The following HMGN5 variants were observed in gnomAD, a reference collection of about 807,000 sequenced individuals.
The protein encoded by HMGN5 is high mobility group nucleosome binding domain 5.
A neutral mutation model predicts 9.5 loss-of-function variants in HMGN5; 4 were observed. That is an observed-to-expected ratio of 0.42 (90% confidence interval 0.21 to 0.96). The LOEUF (loss-of-function observed/expected upper bound fraction) is 0.96, where lower values mean the gene tolerates loss of function less well. Ranked by LOEUF, HMGN5 falls within the 40% of genes least tolerant of loss-of-function variation. The pLI is 0.30. For synonymous variants in HMGN5, 55 were observed against 57.1 expected (o/e 0.96, Z 0.16); for missense variants, 192 against 187.5 (o/e 1.02, Z -0.14).
intron 1 of HMGN5, among the ~76,000 whole-genome samples, chrX:81,159,565 A>T (rs977221440): frequency 1.8e-5 from 2 of 111,657 alleles, no homozygotes; most frequent in Non-Finnish European, 3.8e-5. Flanking sequence ...ATCTTGGGTG[A>T]TAAGATGAAT....
intron 1 of HMGN5, among the ~76,000 whole-genome samples, chrX:81,159,424 G>A (rs372360589): frequency 1.8e-5 from 2 of 111,286 alleles, no homozygotes; most frequent in African/African-American, 6.5e-5. Context: ...AGAAAAGTCT[G>A]CACAAATGCT....
chrX:81,142,824 C>T (rs189598991), intron 1 of HMGN5, among the ~76,000 whole-genome samples: 1 of 111,409 alleles, frequency 9.0e-6, no homozygotes, highest in Non-Finnish European at 1.9e-5. Flanking sequence ...GAAACACACA[C>T]AATATTATAA....
chrX:81,149,313 T>A (rs2075354338), intron 1 of HMGN5, among the ~76,000 whole-genome samples: 1 of 111,160 alleles, frequency 9.0e-6, no homozygotes, highest in South Asian at 3.8e-4. Flanking sequence ...AAAGGATGAG[T>A]TCATGTCCTT....
chrX:81,162,774 C>G lies in HMGN5; in HGVS notation c.-124+38963G>C, dbSNP rs1030797270. 4.5e-5 allele frequency among the ~76,000 whole-genome samples: 5 copies of G among 111,212 alleles called. 1 individual carries two copies. The highest frequency in any genetic ancestry group is 3.8e-4 in the Admixed American group (4 of 10,433). On this transcript the variant is annotated intron_variant, in intron 1 of 6. Transcript: ENST00000358130. Reference sequence around the variant, plus strand: ...CTGGACCTAATATAGAAAATGAGACCTTGTAGTTGAGCTGCTGTCATTATG... The same window carrying G: ...CTGGACCTAATATAGAAAATGAGACGTTGTAGTTGAGCTGCTGTCATTATG...
intron 1 of HMGN5, among the ~76,000 whole-genome samples, chrX:81,161,802 A>T (rs1315710997): frequency 9.0e-6 from 1 of 111,256 alleles, no homozygotes; most frequent in East Asian, 2.8e-4. Flanking sequence ...AAACTTGATG[A>T]ACTAGCTATA....
At chrX:81,168,641 C>T (rs1053932310) in intron 1 of HMGN5, among the ~76,000 whole-genome samples, 3 of 111,730 alleles carry the variant, frequency 2.7e-5, no homozygotes, top group African/African-American at 6.5e-5. Flanking sequence ...GTAGACTTTG[C>T]GTCTCCCCTT....
At chrX:81,183,471 GC>G (rs1010980759) in intron 1 of HMGN5, among the ~76,000 whole-genome samples, 4 of 112,415 alleles carry the variant, frequency 3.6e-5, no homozygotes, top group Admixed American at 2.8e-4. Flanking sequence ...CTTAAAAGGG[GC>G]CCAGATGCAG....
chrX:81,159,117 G>A (rs2075391856), intron 1 of HMGN5, among the ~76,000 whole-genome samples: 1 of 111,608 alleles, frequency 9.0e-6, no homozygotes. Flanking sequence ...ATTATCCTCA[G>A]CAAACTAACG....
intron 1 of HMGN5, among the ~76,000 whole-genome samples, chrX:81,155,917 T>C (rs1339705650): frequency 9.0e-6 from 1 of 111,512 alleles, no homozygotes; most frequent in Non-Finnish European, 1.9e-5. Flanking sequence ...AATGAGTGCA[T>C]AAAAATATGT....
At chrX:81,121,357 C>T (rs1034069918) in intron 2 of HMGN5, among the ~76,000 whole-genome samples, 178 bp downstream of exon 2, 2 of 111,624 alleles carry the variant, frequency 1.8e-5, no homozygotes, top group Non-Finnish European at 3.8e-5. Flanking sequence ...GCATGCAAGA[C>T]CATCCTAAAC....
At chrX:81,183,110 G>T (rs2075467439) in intron 1 of HMGN5, among the ~76,000 whole-genome samples, 2 of 111,816 alleles carry the variant, frequency 1.8e-5, no homozygotes, top group African/African-American at 6.5e-5. Flanking sequence ...AAGCAGCAAA[G>T]AAATGAACTG....
In HMGN5 at chrX:81,122,105, T is replaced by C. The variant is rs189464847; in HGVS notation, c.-123-433A>G. On this transcript the variant is annotated intron_variant, in intron 1 of 6. Transcript: ENST00000358130. ...GGCTCCGGTCTTTCCCTGCCACCTT[T>C]GGCGGGATGGTGTTGAACCGACAAG... 1.6e-3 allele frequency among the ~76,000 whole-genome samples: 179 copies of C among 112,334 alleles called. 2 individuals carry two copies. Among genetic ancestry groups the C allele is most frequent in the Non-Finnish European group, 2.6e-3 (141 of 53,250 alleles).
At chrX:81,154,453 G>A (rs1366402295) in intron 1 of HMGN5, among the ~76,000 whole-genome samples, 2 of 111,178 alleles carry the variant, frequency 1.8e-5, no homozygotes, top group Non-Finnish European at 3.8e-5. Flanking sequence ...AACAGACCAG[G>A]CAAAAATTTC....
intron 1 of HMGN5, among the ~76,000 whole-genome samples, chrX:81,167,242 G>A (rs931461037): frequency 1.6e-4 from 18 of 111,104 alleles, no homozygotes; most frequent in African/African-American, 5.9e-4. Flanking sequence ...GACAGTATCT[G>A]TAGTAGCTAT....
chrX:81,175,600 A>C (rs779562934), intron 1 of HMGN5, among the ~76,000 whole-genome samples: 9 of 111,020 alleles, frequency 8.1e-5, no homozygotes, highest in Non-Finnish European at 1.3e-4. Flanking sequence ...CCCTTAAATA[A>C]ATTTTGAAAA....
chrX:81,173,743 T>G (rs1363518321), intron 1 of HMGN5, among the ~76,000 whole-genome samples: 2 of 111,881 alleles, frequency 1.8e-5, no homozygotes, highest in Admixed American at 9.5e-5. Flanking sequence ...TGTAGAAATC[T>G]TGTTTTAAGG....
intron 1 of HMGN5, among the ~76,000 whole-genome samples, chrX:81,152,244 A>C (rs1293077286): frequency 3.6e-5 from 4 of 111,954 alleles, no homozygotes; most frequent in African/African-American, 1.3e-4. Flanking sequence ...CAACCGACTC[A>C]TCTGACAAAG....
chrX:81,156,847 T>C (rs868435895), intron 1 of HMGN5, among the ~76,000 whole-genome samples: 38 of 110,795 alleles, frequency 3.4e-4, no homozygotes, highest in Admixed American at 7.8e-4. Context: ...GTCAGTGTGA[T>C]TGATAAAGCA....
chrX:81,150,480 G>C (rs921355882), intron 1 of HMGN5, among the ~76,000 whole-genome samples: 4 of 111,350 alleles, frequency 3.6e-5, no homozygotes, highest in South Asian at 7.5e-4. Context: ...CAGGAGAATC[G>C]CTTTGAACCC....
Sources: gnomAD v4.1 joint callset for allele counts (sites outside exome capture counted in the v4.1 genomes callset) on GRCh38, gnomAD v4.1.1 for gene constraint, MANE v1.5 for transcripts, NCBI Gene and HGNC (gene_info 2026-07-23, HGNC 2026-07-21) for gene names.